The following SLC13A2 variants were observed in gnomAD, a reference collection of about 807,000 sequenced individuals.
SLC13A2 encodes the protein Na(+)-coupled citrate transporter.
SLC13A2 carries 40 observed loss-of-function variants against 58.5 expected under a neutral mutation model. The ratio of observed to expected loss-of-function variants is 0.68; its 90% CI spans 0.53 to 0.89. The LOEUF is 0.89. SLC13A2 is among the 40% of genes least tolerant of loss of function. The pLI, the probability that SLC13A2 is intolerant of heterozygous loss-of-function variation, is 0.00. For missense variants in SLC13A2, 694 were observed against 772.6 expected (o/e 0.90, Z 1.21); for synonymous variants, 341 against 331.6 (o/e 1.03, Z -0.31).
Position 28,494,468 on chromosome 17 carries a change from G to C in SLC13A2, c.1264G>C (p.Val422Leu). Reference sequence around the variant, plus strand: ...GAACCAGAAGATGCCGTGGAATATCGTGTTATTGCTGGGTGGTGGCTATGC... The same window carrying C: ...GAACCAGAAGATGCCGTGGAATATCCTGTTATTGCTGGGTGGTGGCTATGC... ...TVNQKMPWNI[V>L]LLLGGGYALA... The change falls in exon 9 of 12, where the codon GTG becomes CTG. Residue 422 changes from valine (V) to leucine (L), a missense_variant. Transcript: ENST00000314669. This position sits in a 1 kb window ranked among gnomAD's most constrained non-coding sequence, Gnocchi z 4.0. The C allele has an allele frequency of 6.2e-7, 1 of 1,614,060 alleles. No individual in the cohort carries two copies. The highest frequency in any genetic ancestry group is 8.5e-7 in the Non-Finnish European group (1 of 1,179,996).
intron 1 of SLC13A2, among the ~76,000 whole-genome samples, chr17:28,478,259 C>T (rs879992229): frequency 1.3e-5 from 2 of 152,338 alleles, no homozygotes; most frequent in East Asian, 3.9e-4. Flanking sequence ...TGTGACCCAC[C>T]TCTCAGGCCA....
At position 28,491,572 on chromosome 17, in the gene SLC13A2, T is replaced by A. The variant is rs782011631; in HGVS notation, c.710T>A (p.Leu237Gln). Residue 237 changes from leucine (L) to glutamine (Q), a missense_variant, in exon 5 of 12, where the codon CTG becomes CAG. Coordinates refer to ENST00000314669, the MANE Select transcript of SLC13A2 (RefSeq NM_003984.4). Reference protein sequence around the residue: ...YSASIGGIATLTGTAPNLVLQ... With the variant: ...YSASIGGIATQTGTAPNLVLQ... ...GCCAGCATCGGGGGCATCGCCACGCTGACTGGCACCGCACCCAACCTGGTG... is the reference window on the plus strand; with the variant it reads ...GCCAGCATCGGGGGCATCGCCACGCAGACTGGCACCGCACCCAACCTGGTG... 5.0e-6 allele frequency: 8 copies of A among 1,613,662 alleles called. No homozygotes were observed. The highest frequency in any genetic ancestry group is 6.8e-6 in the Non-Finnish European group (8 of 1,180,022).
rs533935290 is a variant in SLC13A2 at position 28,494,244 on chromosome 17, G to A, written c.1186+139G>A. On this transcript the variant is annotated intron_variant, in intron 8 of 11. Transcript: ENST00000314669. This position sits in a 1 kb window ranked among gnomAD's most constrained non-coding sequence, Gnocchi z 4.0. ...CGACTTGCCAAGGGCACAGGGACTC[G>A]GAGACAAAGTTGAGATGTTGCAGAA... is the stretch of plus-strand genomic sequence containing the variant. 6.3e-5 allele frequency: 96 copies of A among 1,512,278 alleles called. No homozygotes were observed. Among genetic ancestry groups the A allele is most frequent in the African/African-American group, 4.7e-4 (34 of 72,898 alleles). The allele number at this position is 1,512,278 out of a possible 1,614,324, so 93.7% of individuals were successfully genotyped here.
At position 28,494,104 on chromosome 17, in the gene SLC13A2, AG is replaced by A. The variant is rs2069090699; in HGVS notation, c.1186+1del. On this transcript the variant is annotated frameshift_variant and splice_region_variant, in exon 8 of 12. Transcript: ENST00000314669. LOFTEE classifies it high-confidence loss of function. This position sits in a 1 kb window ranked among gnomAD's most constrained non-coding sequence, Gnocchi z 4.0. The part of the protein sequence containing the change: ...SKFPGLTQDP[E>X]NPGKLKAPLG... ...AGTTCCCAGGGCTGACCCAGGACCC[AG>A]GTAAGCACCTGGACTGGGGCAGGGA... The A allele has an allele frequency of 6.2e-7, 1 of 1,613,770 alleles. No homozygotes were observed. Among genetic ancestry groups the A allele is most frequent in the South Asian group, 1.1e-5 (1 of 91,080 alleles).
chr17:28,493,539 C>T, intron 6 of SLC13A2, 32 bp from the exon 7 acceptor site: 1 of 1,555,420 alleles, frequency 6.4e-7, no homozygotes, highest in Non-Finnish European at 8.7e-7. Flanking sequence ...GGAGCAGGCC[C>T]CCCACGAGCT....
At chr17:28,482,191 T>TTTTGTTTG (rs530553446) in intron 1 of SLC13A2, among the ~76,000 whole-genome samples, 10 of 151,826 alleles carry the variant, frequency 6.6e-5, no homozygotes, top group African/African-American at 2.2e-4. Context: ...AGCTAAGTTT[T>TTTTGTTTG]TTTGTTTGTT....
chr17:28,474,523 C>T (rs1216007947), intron 1 of SLC13A2, among the ~76,000 whole-genome samples: 1 of 152,118 alleles, frequency 6.6e-6, no homozygotes, highest in Non-Finnish European at 1.5e-5. Context: ...CCTTTTCCAC[C>T]ATCTTAAGAG....
intron 1 of SLC13A2, among the ~76,000 whole-genome samples, chr17:28,484,282 C>G (rs2068838436): frequency 6.6e-6 from 1 of 152,122 alleles, no homozygotes; most frequent in Admixed American, 6.6e-5. Context: ...AACTATATCC[C>G]CTCCTGGAAG....
chr17:28,494,113 C>T lies in SLC13A2; in HGVS notation c.1186+8C>T, dbSNP rs1555604165. On this transcript the variant is annotated splice_region_variant and intron_variant, in intron 8 of 11. Coordinates refer to ENST00000314669, the MANE Select transcript of SLC13A2 (RefSeq NM_003984.4). This position sits in a 1 kb window ranked among gnomAD's most constrained non-coding sequence, Gnocchi z 4.0. ...GGCTGACCCAGGACCCAGGTAAGCA[C>T]CTGGACTGGGGCAGGGAAGGGTCTC... 1.2e-6 allele frequency: 2 copies of T among 1,612,940 alleles called. No individual in the cohort carries two copies. The highest frequency in any genetic ancestry group is 1.3e-5 in the African/African-American group (1 of 75,032).
intron 2 of SLC13A2, among the ~76,000 whole-genome samples, 190 bp downstream of exon 2, chr17:28,489,532 G>T (rs2068959908): frequency 6.6e-6 from 1 of 152,192 alleles, no homozygotes; most frequent in Non-Finnish European, 1.5e-5. Flanking sequence ...CAGAATTAGT[G>T]CTGCGAGTTC....
chr17:28,486,525 G>C (rs1011853455), intron 1 of SLC13A2, among the ~76,000 whole-genome samples: 1 of 152,162 alleles, frequency 6.6e-6, no homozygotes, highest in Non-Finnish European at 1.5e-5. Flanking sequence ...AAAGCCACCC[G>C]GGGTTAATGA....
Position 28,491,500 on chromosome 17 carries a change from A to G in SLC13A2, c.638A>G (p.Lys213Arg), listed in dbSNP as rs1234065322. ...SSEGRAHLSQ[K>R]HLHLTQCMSL... ...GAGGGGAGGGCACATCTCAGCCAGA[A>G]GCATCTCCACCTCACCCAGTGCATG... Residue 213 changes from lysine (K) to arginine (R), a missense_variant, in exon 5 of 12, where the codon AAG (lysine) becomes AGG (arginine). Transcript: ENST00000314669. The G allele has an allele frequency of 6.2e-7, 1 of 1,613,668 alleles. No individual in the cohort carries two copies. Among genetic ancestry groups the G allele is most frequent in the African/African-American group, 1.3e-5 (1 of 74,940 alleles).
In SLC13A2 at chr17:28,483,059, A is replaced by C. The variant is rs891595489; in HGVS notation, c.103-6155A>C. Among the ~76,000 whole-genome samples, 4 of 152,268 alleles carry C rather than the reference A, an allele frequency of 2.6e-5. No homozygotes were observed. The East Asian group carries it at 7.7e-4, about 29-fold the overall frequency. ...TGTCCCCACCCTTGGGTTAACCTTC[A>C]GTCACCAGGAGGAATAAGGTGTGAC... On this transcript the variant is annotated intron_variant, in intron 1 of 11. Transcript: ENST00000314669.
rs1196956356 is a variant in SLC13A2 at position 28,494,616 on chromosome 17, C to A, written c.1308+104C>A. The A allele has an allele frequency of 2.0e-6, 3 of 1,518,934 alleles. No individual in the cohort carries two copies. Among genetic ancestry groups the A allele is most frequent in the Non-Finnish European group, 2.7e-6 (3 of 1,122,852 alleles). 94.1% of individuals were successfully genotyped at this position (1,518,934 alleles called of 1,614,324 possible). A position where few individuals can be genotyped will look rare whatever the true frequency, so the allele number is the denominator to read the frequency against. Reference sequence around the variant, plus strand: ...CCACAGAGGGGAGACCTGGTCCCCACGTAGGAGCCTCTCGGGTAGGCAGAG... The same window carrying A: ...CCACAGAGGGGAGACCTGGTCCCCAAGTAGGAGCCTCTCGGGTAGGCAGAG... On this transcript the variant is annotated intron_variant, in intron 9 of 11. Coordinates refer to ENST00000314669, the MANE Select transcript of SLC13A2 (RefSeq NM_003984.4). The surrounding 1 kb of genome is among the most constrained non-coding windows in gnomAD (Gnocchi z 4.0).
chr17:28,475,293 C>A (rs144943628), intron 1 of SLC13A2, among the ~76,000 whole-genome samples: 1 of 152,204 alleles, frequency 6.6e-6, no homozygotes, highest in Non-Finnish European at 1.5e-5. Context: ...CTTCTGTGCA[C>A]CGTATCTGGC....
At position 28,494,206 on chromosome 17, in the gene SLC13A2, AGAAAGG is replaced by A. The variant is rs2069093385; in HGVS notation, c.1186+102_1186+107del. ...CACTTGGCAGGAGTAGGCAAAGCCC[AGAAAGG>A]CTGGAGCGACTTGCCAAGGGCACAG... On this transcript the variant is annotated intron_variant, in intron 8 of 11. Coordinates refer to ENST00000314669, the MANE Select transcript of SLC13A2 (RefSeq NM_003984.4). The surrounding 1 kb of genome is among the most constrained non-coding windows in gnomAD (Gnocchi z 4.0). 6.7e-7 allele frequency: 1 copy of A among 1,485,416 alleles called. No homozygotes were observed. Among genetic ancestry groups the A allele is most frequent in the South Asian group, 1.2e-5 (1 of 86,206 alleles). 92.0% of individuals were successfully genotyped at this position (1,485,416 alleles called of 1,614,324 possible). A position where few individuals can be genotyped will look rare whatever the true frequency, so the allele number is the denominator to read the frequency against.
chr17:28,483,254 C>G (rs1231609156), intron 1 of SLC13A2, among the ~76,000 whole-genome samples: 1 of 152,192 alleles, frequency 6.6e-6, no homozygotes, highest in Admixed American at 6.5e-5. Context: ...CATGTAACCT[C>G]TCTGGTTCTC....
chr17:28,494,114 C>T lies in SLC13A2; in HGVS notation c.1186+9C>T, dbSNP rs2069090971. The T allele has an allele frequency of 6.2e-7, 1 of 1,612,766 alleles. No homozygotes were observed. The highest frequency in any genetic ancestry group is 2.2e-5 in the East Asian group (1 of 44,872). ...GCTGACCCAGGACCCAGGTAAGCAC[C>T]TGGACTGGGGCAGGGAAGGGTCTCC... On this transcript the variant is annotated intron_variant, in intron 8 of 11. Transcript: ENST00000314669. This position sits in a 1 kb window ranked among gnomAD's most constrained non-coding sequence, Gnocchi z 4.0.
Position 28,477,437 on chromosome 17 carries a change from G to A in SLC13A2, c.102+3623G>A, listed in dbSNP as rs573817888. On this transcript the variant is annotated intron_variant, in intron 1 of 11. Coordinates refer to ENST00000314669, the MANE Select transcript of SLC13A2 (RefSeq NM_003984.4). Reference sequence around the variant, plus strand: ...TCTTGATCTCCTGACCTCGTGATCCGCCCGCCTTGGCCTCCCAAAGTGCTG... The same window carrying A: ...TCTTGATCTCCTGACCTCGTGATCCACCCGCCTTGGCCTCCCAAAGTGCTG... 4.3e-3 allele frequency among the ~76,000 whole-genome samples: 653 copies of A among 151,648 alleles called. 1 individual carries two copies. The highest frequency in any genetic ancestry group is 6.0e-3 in the Non-Finnish European group (406 of 67,910).
Sources: gnomAD v4.1 joint callset for allele counts (sites outside exome capture counted in the v4.1 genomes callset) on GRCh38, gnomAD v4.1.1 for gene constraint, Gnocchi (gnomAD v3.1) non-coding constraint, MANE v1.5 for transcripts, NCBI Gene and HGNC (gene_info 2026-07-23, HGNC 2026-07-21) for gene names.